Variants in GALNT17 observed in about 807,000 individuals in gnomAD.
GALNT17 encodes the protein UDP-GalNAc:polypeptide N-acetylgalactosaminyltransferase-like 3.
In GALNT17, 29 loss-of-function variants were observed where a neutral mutation model predicts 63.7. The ratio of observed to expected loss-of-function variants is 0.46; its 90% confidence interval spans 0.34 to 0.62. The LOEUF (loss-of-function observed/expected upper bound fraction) is 0.62, where lower values mean the gene tolerates loss of function less well. Among genes scored for constraint, GALNT17 ranks in the 20% least tolerant of loss-of-function variants. The pLI is 0.01. For missense variants in GALNT17, 603 were observed against 799.6 expected, an observed-to-expected ratio of 0.75 and a Z score of 2.97; for synonymous variants, 305 against 318.3, an observed-to-expected ratio of 0.96 and a Z score of 0.45.
At chr7:71,262,500 TG>T (rs1790403272) in intron 1 of GALNT17, among the ~76,000 whole-genome samples, 1 of 152,242 alleles carries the variant, frequency 6.6e-6, no homozygotes, top group East Asian at 1.9e-4. Context: ...GGAACTATTA[TG>T]GGTTGAATTG....
chr7:71,405,923 A>T (rs554803721), intron 3 of GALNT17, among the ~76,000 whole-genome samples: 9 of 152,302 alleles, frequency 5.9e-5, no homozygotes, highest in African/African-American at 1.7e-4. Flanking sequence ...TCATCTGTAA[A>T]ATGGGGTCGA....
chr7:71,293,092 C>CT (rs1295378806), intron 1 of GALNT17, among the ~76,000 whole-genome samples: 1 of 152,052 alleles, frequency 6.6e-6, no homozygotes, highest in Non-Finnish European at 1.5e-5. Flanking sequence ...ACCCTGTTTT[C>CT]TTTATCAATA....
intron 9 of GALNT17, among the ~76,000 whole-genome samples, chr7:71,691,658 A>G (rs1304452110): frequency 6.6e-6 from 1 of 152,146 alleles, no homozygotes; most frequent in East Asian, 1.9e-4. Flanking sequence ...TCTTCCGGGA[A>G]GTTTAGCTGA....
At chr7:71,168,340 G>A (rs780249119) in intron 1 of GALNT17, among the ~76,000 whole-genome samples, 4 of 152,086 alleles carry the variant, frequency 2.6e-5, no homozygotes, top group Non-Finnish European at 5.9e-5. Flanking sequence ...TTGGGAGGCC[G>A]AGATGGGTGG....
At chr7:71,495,648 C>T (rs993171818) in intron 5 of GALNT17, among the ~76,000 whole-genome samples, 13 of 152,266 alleles carry the variant, frequency 8.5e-5, no homozygotes, top group African/African-American at 3.1e-4. Context: ...CTGACCCGGC[C>T]TGGAATGGGA....
At chr7:71,457,191 C>T (rs978545618) in intron 5 of GALNT17, among the ~76,000 whole-genome samples, 1 of 152,270 alleles carries the variant, frequency 6.6e-6, no homozygotes, top group Middle Eastern at 3.4e-3. Context: ...TCAACAGAAC[C>T]CTCTGACGGA....
At chr7:71,300,361 C>T (rs1450294450) in intron 1 of GALNT17, 3 of 438,366 alleles carry the variant, frequency 6.8e-6, no homozygotes, top group South Asian at 4.9e-5. Context: ...GACGACACCA[C>T]CTCTTGGTGT....
chr7:71,419,581 AAGAACTCCCACGGG>A (rs1387332552), intron 4 of GALNT17, among the ~76,000 whole-genome samples: 4 of 152,208 alleles, frequency 2.6e-5, no homozygotes, highest in Admixed American at 6.5e-5. Flanking sequence ...AGTTGAGAGG[AAGAACTCCCACGGG>A]AGAGGTGGTA....
intron 1 of GALNT17, among the ~76,000 whole-genome samples, chr7:71,158,319 T>G (rs562960448): frequency 1.3e-5 from 2 of 151,874 alleles, no homozygotes; most frequent in South Asian, 4.1e-4. Flanking sequence ...CTGCCTTCTT[T>G]GAGATTGTAG....
chr7:71,468,507 C>T (rs1015915278), intron 5 of GALNT17, among the ~76,000 whole-genome samples: 1 of 152,102 alleles, frequency 6.6e-6, no homozygotes, highest in Non-Finnish European at 1.5e-5. Context: ...GCCTCCATCT[C>T]CCAGGTTCAA....
chr7:71,286,409 T>TA (rs1475196036), intron 1 of GALNT17, among the ~76,000 whole-genome samples: 1 of 152,234 alleles, frequency 6.6e-6, no homozygotes, highest in Non-Finnish European at 1.5e-5. Flanking sequence ...ACATTTCCCT[T>TA]ACATCTGTGT....
At chr7:71,137,167 T>C (rs1585829921) in intron 1 of GALNT17, among the ~76,000 whole-genome samples, 1 of 127,248 alleles carries the variant, frequency 7.9e-6, no homozygotes, top group Non-Finnish European at 1.6e-5. Context: ...TGAGACAGAG[T>C]CTTGCTCTGT....
At position 71,482,795 on chromosome 7, in the gene GALNT17, A is replaced by G. The variant is rs1325692262; in HGVS notation, c.962+61690A>G. Among the ~76,000 whole-genome samples, 8 of 152,284 alleles carry G rather than the reference A, an allele frequency of 5.3e-5. No individual in the cohort carries two copies. In the East Asian group the frequency reaches 1.5e-3, roughly 29 times the overall value. ...CTGCAGGGAAGGGTGGGGAGGTGTC[A>G]GGATGAAACTGTTCCACCTTAGATC... On this transcript the variant is annotated intron_variant, in intron 5 of 10. Transcript: ENST00000333538.
intron 5 of GALNT17, among the ~76,000 whole-genome samples, chr7:71,566,420 C>A (rs1459413925): frequency 6.6e-6 from 1 of 152,098 alleles, no homozygotes; most frequent in South Asian, 2.1e-4. Flanking sequence ...TTTTCAGACT[C>A]CAAGCATAGG....
chr7:71,165,773 G>A (rs1788429178), intron 1 of GALNT17, among the ~76,000 whole-genome samples: 1 of 152,142 alleles, frequency 6.6e-6, no homozygotes, highest in South Asian at 2.1e-4. Flanking sequence ...AATTAAACCT[G>A]TTTAATTTCT....
chr7:71,496,439 C>T lies in GALNT17; in HGVS notation c.963-74846C>T, dbSNP rs575075386. 4.9e-4 allele frequency among the ~76,000 whole-genome samples: 74 copies of T among 152,152 alleles called. 2 individuals carry two copies. In the South Asian group the frequency reaches 0.014, roughly 29 times the overall value. On this transcript the variant is annotated intron_variant, in intron 5 of 10. Transcript: ENST00000333538. ...CATAGGACCTGTTTGGTGGACCTCA[C>T]GTATTGGTGAGGTCACTAGCCACAG... is the stretch of plus-strand genomic sequence containing the variant.
rs192551155 is a variant in GALNT17, at chr7:71,199,596, C to G, written c.238+66556C>G. 2.5e-3 allele frequency among the ~76,000 whole-genome samples: 365 copies of G among 147,416 alleles called. 2 individuals carry two copies. The highest frequency in any genetic ancestry group is 8.8e-3 in the African/African-American group (348 of 39,378). On this transcript the variant is annotated intron_variant, in intron 1 of 10. Coordinates refer to ENST00000333538, the MANE Select transcript of GALNT17 (RefSeq NM_022479.3). ...CTACCCTTCTGCTCATTAATCCATT[C>G]ATCTGCTCACCTGATCCACCCGCCC... is the stretch of plus-strand genomic sequence containing the variant.
At chr7:71,207,130 A>G (rs1297064646) in intron 1 of GALNT17, among the ~76,000 whole-genome samples, 4 of 151,668 alleles carry the variant, frequency 2.6e-5, no homozygotes, top group African/African-American at 7.3e-5. Context: ...AAGACCGATC[A>G]GTAGCAGAAT....
intron 6 of GALNT17, among the ~76,000 whole-genome samples, chr7:71,572,370 T>C (rs1269141584): frequency 6.6e-6 from 1 of 150,648 alleles, no homozygotes; most frequent in East Asian, 2.0e-4. Context: ...GGTGTGATTG[T>C]GTGAACCTGT....
Sources: allele counts gnomAD v4.1 joint callset (sites outside exome capture counted in the v4.1 genomes callset), GRCh38; gene constraint gnomAD v4.1.1; transcripts MANE v1.5; gene names NCBI Gene and HGNC (gene_info 2026-07-23, HGNC 2026-07-21).